The following SLX4 variants were observed in gnomAD, a reference collection of about 807,000 sequenced individuals.
SLX4 encodes the protein SLX4 structure-specific endonuclease subunit, also known as structure-specific endonuclease subunit SLX4.
Under a neutral mutation model 146.2 loss-of-function variants are expected in SLX4, and 112 were observed. That is an observed-to-expected ratio of 0.77 (90% confidence interval 0.66 to 0.90). The LOEUF (loss-of-function observed/expected upper bound fraction) is 0.90. Among genes scored for constraint, SLX4 ranks in the 40% least tolerant of loss-of-function variants. The pLI is 0.00. For synonymous variants in SLX4, 1,061 were observed against 997.7 expected, an observed-to-expected ratio of 1.06 and a Z score of -1.20; for missense variants, 2,563 against 2,392.7, an observed-to-expected ratio of 1.07 and a Z score of -1.49.
At chr16:3,603,227 G>A (rs1236334489) in intron 3 of SLX4, among the ~76,000 whole-genome samples, 4 of 152,178 alleles carry the variant, frequency 2.6e-5, no homozygotes, top group Middle Eastern at 3.2e-3. Context: ...ATTTTTAGTA[G>A]AGACAGGGCT....
In SLX4 at chr16:3,589,863, C is replaced by T. The variant is rs370663234; in HGVS notation, c.3775G>A (p.Ala1259Thr). Reference sequence around the variant, plus strand: ...CGGCTTCTGCTGGCCAGCGGGGTGGCGGGCACCAGCCACGAGGTGTCTGTG... The same window carrying T: ...CGGCTTCTGCTGGCCAGCGGGGTGGTGGGCACCAGCCACGAGGTGTCTGTG... ...STTDTSWLVP[A>T]TPLASRSRDC... Residue 1259 changes from alanine to threonine, a missense_variant, in exon 12 of 15, where the codon GCC becomes ACC. Transcript: ENST00000294008. The surrounding 1 kb of genome is among the most constrained non-coding windows in gnomAD (Gnocchi z 6.2). The T allele has an allele frequency of 2.0e-5, 33 of 1,612,880 alleles. No homozygotes were observed. Among genetic ancestry groups the T allele is most frequent in the African/African-American group, 1.5e-4 (11 of 74,890 alleles).
chr16:3,601,564 C>T (rs368205926), intron 4 of SLX4: 24 of 349,760 alleles, frequency 6.9e-5, no homozygotes, highest in African/African-American at 4.2e-4. Flanking sequence ...CGCCAATGGA[C>T]GAAAGGATAA....
intron 4 of SLX4, 54 bp from the exon 5 acceptor site, chr16:3,601,245 G>T: frequency 1.3e-6 from 2 of 1,580,182 alleles, no homozygotes; most frequent in South Asian, 2.2e-5. Flanking sequence ...ATGTGGATTG[G>T]AGCAAATGTG....
Position 3,583,199 on chromosome 16 carries a change from T to C in SLX4, c.5051A>G (p.Lys1684Arg). 6.2e-7 allele frequency: 1 copy of C among 1,614,194 alleles called. No homozygotes were observed. Among genetic ancestry groups the C allele is most frequent in the Non-Finnish European group, 8.5e-7 (1 of 1,180,030 alleles). The part of the protein sequence containing the change: ...SITPPSRSPT[K>R]EAPPGLNDDA... ...ATCATTGAGGCCTGGAGGTGCCTCC[T>C]TGGTGGGCGACCTGCTTGGGGGTGT... The change falls in exon 14 of 15, where the codon AAG becomes AGG. Residue 1684 changes from lysine to arginine, a missense_variant. Coordinates refer to ENST00000294008, the MANE Select transcript of SLX4 (RefSeq NM_032444.4).
rs2040783734 is a variant in SLX4, at chr16:3,606,495, C to T, written c.739G>A (p.Glu247Lys). ...REENVPKDPQ[E>K]EMMAGNVYGL... ...ATACCATTCCCCGCCATCATCTCCT[C>T]TTGAGGATCCTTTGGGACATTTTCT... is the stretch of plus-strand genomic sequence containing the variant. The change falls in exon 3 of 15, where the codon GAG becomes AAG. Residue 247 changes from glutamate (E) to lysine (K), a missense_variant. Coordinates refer to ENST00000294008, the MANE Select transcript of SLX4 (RefSeq NM_032444.4). 6.2e-7 allele frequency: 1 copy of T among 1,614,216 alleles called. No individual in the cohort carries two copies. The highest frequency in any genetic ancestry group is 2.2e-5 in the East Asian group (1 of 44,888).
Position 3,589,659 on chromosome 16 carries a change from G to C in SLX4, c.3979C>G (p.Pro1327Ala), listed in dbSNP as rs1395668368. ...PPQTPSSCLTPVSPGTSDGRR... is the reference protein window; with the variant it reads ...PPQTPSSCLTAVSPGTSDGRR... ...CCGTCAGAAGTTCCTGGAGAGACGGGAGTGAGGCATGAGGACGGTGTCTGG... is the reference window on the plus strand; with the variant it reads ...CCGTCAGAAGTTCCTGGAGAGACGGCAGTGAGGCATGAGGACGGTGTCTGG... The change falls in exon 12 of 15, where the codon CCC becomes GCC. Residue 1327 changes from proline (P) to alanine (A), a missense_variant. By Grantham distance (27) the Pro-to-Ala change is conservative. Transcript: ENST00000294008. This position sits in a 1 kb window ranked among gnomAD's most constrained non-coding sequence, Gnocchi z 6.2. The C allele has an allele frequency of 6.2e-7, 1 of 1,614,066 alleles. No homozygotes were observed. Among genetic ancestry groups the C allele is most frequent in the African/African-American group, 1.3e-5 (1 of 75,046 alleles).
chr16:3,584,855 C>G lies in SLX4; in HGVS notation c.4653G>C (p.Lys1551Asn). ...GLETPKGANR[K>N]KNLPPKVPIT... ...TGGGCACTTTGGGGGGCAAGTTCTT[C>G]TTCCGATTAGCACCTTCTGGGTAAA... The change falls in exon 13 of 15, where the codon AAG (lysine) becomes AAC (asparagine). Residue 1551 changes from lysine to asparagine, a missense_variant. Physicochemically the swap from Lys to Asn is moderately conservative, Grantham distance 94. Coordinates refer to ENST00000294008, the MANE Select transcript of SLX4 (RefSeq NM_032444.4). The G allele has an allele frequency of 1.2e-6, 2 of 1,613,584 alleles. No homozygotes were observed. Among genetic ancestry groups the G allele is most frequent in the Non-Finnish European group, 1.7e-6 (2 of 1,179,480 alleles).
chr16:3,606,771 G>T, intron 2 of SLX4, 73 bp from the exon 3 acceptor site: 1 of 1,525,438 alleles, frequency 6.6e-7, no homozygotes, highest in Non-Finnish European at 9.1e-7. Flanking sequence ...CCAGATACAG[G>T]TTAGACGCAA....
intron 12 of SLX4, among the ~76,000 whole-genome samples, chr16:3,586,767 G>A (rs373832410): frequency 1.1e-4 from 17 of 151,100 alleles, no homozygotes; most frequent in African/African-American, 3.4e-4. Flanking sequence ...GCAGTGAGCC[G>A]AGATCGTGCC....
intron 11 of SLX4, 99 bp downstream of exon 11, chr16:3,592,600 C>T: frequency 2.2e-6 from 3 of 1,385,820 alleles, no homozygotes; most frequent in South Asian, 2.5e-5. Context: ...TGTTAGTTCT[C>T]TTGGCCTCAG....
chr16:3,590,640 T>C lies in SLX4; in HGVS notation c.2998A>G (p.Ile1000Val), dbSNP rs772540192. The C allele has an allele frequency of 2.4e-5, 38 of 1,614,032 alleles. No individual in the cohort carries two copies. The highest frequency in any genetic ancestry group is 3.0e-5 in the Non-Finnish European group (35 of 1,180,054). ...TQGEISEPSQ[I>V]TSEPEEQSGA... Reference sequence around the variant, plus strand: ...CTTTGTTCCTCGGGCTCACTTGTTATTTGGGACGGCTCTGAGATCTCTCCC... The same window carrying C: ...CTTTGTTCCTCGGGCTCACTTGTTACTTGGGACGGCTCTGAGATCTCTCCC... Residue 1000 changes from isoleucine to valine, a missense_variant, in exon 12 of 15, where the codon ATA becomes GTA. By Grantham distance (29) the Ile-to-Val change is conservative. Coordinates refer to ENST00000294008, the MANE Select transcript of SLX4 (RefSeq NM_032444.4). The surrounding 1 kb of genome is among the most constrained non-coding windows in gnomAD (Gnocchi z 4.8).
At chr16:3,606,411 C>G (rs979928417) in intron 3 of SLX4, 63 bp downstream of exon 3, 3 of 1,569,118 alleles carry the variant, frequency 1.9e-6, no homozygotes, top group East Asian at 2.2e-5. Flanking sequence ...TCCTTCCCGC[C>G]TCCCTTCCTC....
At chr16:3,602,059 G>A (rs759292281) in intron 4 of SLX4, 59 bp downstream of exon 4, 1 of 1,608,146 alleles carries the variant, frequency 6.2e-7, no homozygotes. Context: ...TCCAGCCCTG[G>A]GGTGCTTGGG....
Position 3,590,253 on chromosome 16 carries a change from A to C in SLX4, c.3385T>G (p.Ser1129Ala). ...CTGGAGCTCGAATGGTCAGGATTTG[A>C]CTGGGTTAGGTCAATAGACGGAGAT... ...EKSPSIDLTQ[S>A]NPDHSSSRSQ... The change falls in exon 12 of 15, where the codon TCA (serine) becomes GCA (alanine). Residue 1129 changes from serine (S) to alanine (A), a missense_variant. Coordinates refer to ENST00000294008, the MANE Select transcript of SLX4 (RefSeq NM_032444.4). This position sits in a 1 kb window ranked among gnomAD's most constrained non-coding sequence, Gnocchi z 4.8. The C allele has an allele frequency of 6.2e-7, 1 of 1,614,110 alleles. No individual in the cohort carries two copies. Among genetic ancestry groups the C allele is most frequent in the Non-Finnish European group, 8.5e-7 (1 of 1,180,016 alleles).
rs770483558 is a variant in SLX4, at chr16:3,590,406, C to A, written c.3232G>T (p.Val1078Leu). The A allele has an allele frequency of 1.9e-6, 3 of 1,614,104 alleles. No individual in the cohort carries two copies. Among genetic ancestry groups the A allele is most frequent in the Admixed American group, 1.7e-5 (1 of 60,000 alleles). Residue 1078 changes from valine (V) to leucine (L), a missense_variant, in exon 12 of 15, where the codon GTG becomes TTG. Coordinates refer to ENST00000294008, the MANE Select transcript of SLX4 (RefSeq NM_032444.4). This position sits in a 1 kb window ranked among gnomAD's most constrained non-coding sequence, Gnocchi z 4.8. ...CTGTCCCTTTTCTGCTTTGATGGCA[C>A]AGCTGGAGACAGCAAGGTTGGGGAG... ...VGSPTLLSPA[V>L]PSKQKRDRSI...
chr16:3,586,504 G>C (rs2040510027), intron 12 of SLX4, among the ~76,000 whole-genome samples: 1 of 152,086 alleles, frequency 6.6e-6, no homozygotes, highest in Non-Finnish European at 1.5e-5. Context: ...CTGGGTGACA[G>C]AGCAAGACCC....
chr16:3,594,662 G>C (rs958972560), intron 9 of SLX4, 63 bp from the exon 10 acceptor site: 1 of 1,610,354 alleles, frequency 6.2e-7, no homozygotes, highest in Non-Finnish European at 8.5e-7. Flanking sequence ...CTGGGCAGTG[G>C]GAAGCTCCCC....
rs2040609565 is a variant in SLX4, at chr16:3,592,852, C to T, written c.2174G>A (p.Gly725Asp). 1 of 1,610,440 alleles carries T rather than the reference C, an allele frequency of 6.2e-7. No homozygotes were observed. The highest frequency in any genetic ancestry group is 1.3e-5 in the African/African-American group (1 of 74,818). Reference protein sequence around the residue: ...PLLIQYVNNEGFSAVEDGVLT... With the variant: ...PLLIQYVNNEDFSAVEDGVLT... ...AACCCCGTCCTCTACAGCGGAGAAG[C>T]CTTCATTGTTCACCTGCAGGTGAAA... The change falls in exon 11 of 15, where the codon GGC becomes GAC. Residue 725 changes from glycine (G) to aspartate (D), a missense_variant. By Grantham distance (94) the Gly-to-Asp change is moderately conservative. Transcript: ENST00000294008.
chr16:3,599,832 C>T (rs537597080), intron 5 of SLX4, among the ~76,000 whole-genome samples: 9 of 152,166 alleles, frequency 5.9e-5, no homozygotes, highest in South Asian at 2.1e-4. Flanking sequence ...GTGATCCTTC[C>T]GCCCTGGCCT....
Sources: gnomAD v4.1 joint callset for allele counts (sites outside exome capture counted in the v4.1 genomes callset) on GRCh38, gnomAD v4.1.1 for gene constraint, Gnocchi (gnomAD v3.1) non-coding constraint, MANE v1.5 for transcripts, NCBI Gene and HGNC (gene_info 2026-07-23, HGNC 2026-07-21) for gene names.